The following CYP4F11 variants were observed in gnomAD, a reference collection of about 807,000 sequenced individuals.
The protein encoded by CYP4F11 is cytochrome P450 4F11.
A neutral mutation model predicts 62.2 loss-of-function variants in CYP4F11; 79 were observed. The observed-to-expected ratio is 1.27, with a 90% CI of 1.06 to 1.53. CYP4F11 has a LOEUF of 1.53. Ranked by LOEUF, CYP4F11 falls within the 40% of genes most tolerant of loss-of-function variation. CYP4F11 has a pLI of 0.00. For synonymous variants in CYP4F11, 290 were observed against 263.7 expected, an observed-to-expected ratio of 1.10 and a Z score of -0.97; for missense variants, 777 against 680.5, an observed-to-expected ratio of 1.14 and a Z score of -1.58.
At position 15,931,589 on chromosome 19, in the gene CYP4F11, GGAAT is replaced by G. The variant is rs1473119820; in HGVS notation, c.199-1992_199-1989del. 8.8e-4 allele frequency among the ~76,000 whole-genome samples: 98 copies of G among 111,476 alleles called. 4 individuals carry two copies. The highest frequency in any genetic ancestry group is 1.3e-3 in the Non-Finnish European group (68 of 53,696). The allele number at this position is 111,476 out of a possible 152,430, so 73.1% of individuals were successfully genotyped here. Reference sequence around the variant, plus strand: ...GGAGAGGAATGAGTGAGCGAGGAGAGGAATGAGTGAGTGAGGAGAGGAATGAGTG... The same window carrying G: ...GGAGAGGAATGAGTGAGCGAGGAGAGGAGTGAGTGAGGAGAGGAATGAGTG... On this transcript the variant is annotated intron_variant, in intron 1 of 11. Transcript: ENST00000402119.
At position 15,923,747 on chromosome 19, in the gene CYP4F11, C is replaced by T; in HGVS notation, c.918+65G>A. 3 of 1,555,062 alleles carry T rather than the reference C, an allele frequency of 1.9e-6. No individual in the cohort carries two copies. The South Asian group carries it at 3.7e-5, about 19-fold the overall frequency. On this transcript the variant is annotated intron_variant, in intron 6 of 11. Transcript: ENST00000402119. ...GTGCCCTTTGGATCAAGTCCAAGTT[C>T]TTTCATTTGACAGAGGCATAAATCT...
chr19:15,926,478 C>G (rs567463455), intron 4 of CYP4F11, among the ~76,000 whole-genome samples: 19 of 152,346 alleles, frequency 1.2e-4, no homozygotes, highest in Admixed American at 1.1e-3. Context: ...TCACTTCTCC[C>G]TTTGCACTGT....
intron 8 of CYP4F11, among the ~76,000 whole-genome samples, chr19:15,918,454 A>G (rs1466243277): frequency 6.6e-6 from 1 of 152,192 alleles, no homozygotes; most frequent in African/African-American, 2.4e-5. Context: ...AAAAATAATA[A>G]TAATAATGTA....
Position 15,912,797 on chromosome 19 carries a change from T to C in CYP4F11, c.*935A>G, listed in dbSNP as rs2089548202. 1 of 124,258 alleles carries C rather than the reference T, an allele frequency of 8.0e-6. No individual in the cohort carries two copies. The highest frequency in any genetic ancestry group is 8.1e-5 in the Admixed American group (1 of 12,360). The allele number at this position is 124,258 out of a possible 1,614,324, so 7.7% of individuals were successfully genotyped here. On this transcript the variant is annotated 3_prime_UTR_variant, in exon 12 of 12. Coordinates refer to ENST00000402119, the MANE Select transcript of CYP4F11 (RefSeq NM_021187.4). Reference sequence around the variant, plus strand: ...TATATATATATATATATAATATATATATATATATACATATCTTATATGCAC... The same window carrying C: ...TATATATATATATATATAATATATACATATATATACATATCTTATATGCAC...
In CYP4F11 at chr19:15,912,761, G is replaced by GTATATGTATA. The variant is rs71178627; in HGVS notation, c.*970_*971insTATACATATA. The GTATATGTATA allele has an allele frequency of 7.8e-5, 3 of 38,246 alleles. No individual in the cohort carries two copies. The highest frequency in any genetic ancestry group is 3.0e-4 in the African/African-American group (3 of 9,866). 2.4% of individuals were successfully genotyped at this position (38,246 alleles called of 1,614,324 possible). On this transcript the variant is annotated 3_prime_UTR_variant, in exon 12 of 12. Coordinates refer to ENST00000402119, the MANE Select transcript of CYP4F11 (RefSeq NM_021187.4). ...TATGTATATATGTGTGTGTGTGTGTGTGTGTGTGTGTATATATATATATAT... is the reference window on the plus strand; with the variant it reads ...TATGTATATATGTGTGTGTGTGTGTGTATATGTATATGTGTGTGTGTATATATATATATAT...
intron 5 of CYP4F11, 109 bp downstream of exon 5, chr19:15,924,652 A>T (rs2089655088): frequency 7.5e-7 from 1 of 1,333,668 alleles, no homozygotes; most frequent in Non-Finnish European, 1.0e-6. Context: ...TATGACACAC[A>T]GAAAGTGCCT....
At chr19:15,920,749 T>G (rs2365174) in intron 8 of CYP4F11, among the ~76,000 whole-genome samples, 4,373 of 151,916 alleles carry the variant, frequency 0.029, 194 homozygotes, top group African/African-American at 0.093. Flanking sequence ...GCTACCTGTC[T>G]CTTCCCATTG....
chr19:15,933,801 T>C (rs1387851308), intron 1 of CYP4F11, among the ~76,000 whole-genome samples: 3 of 33,748 alleles, frequency 8.9e-5, no homozygotes, highest in South Asian at 3.3e-3. Flanking sequence ...AATGAGTGAG[T>C]GAGGAGAAGA....
intron 4 of CYP4F11, among the ~76,000 whole-genome samples, chr19:15,925,965 C>T (rs1385318509): frequency 6.6e-6 from 1 of 151,724 alleles, no homozygotes; most frequent in Non-Finnish European, 1.5e-5. Context: ...GAGATCGAGA[C>T]AATCCTGGCT....
Position 15,913,422 on chromosome 19 carries a change from T to TA in CYP4F11, c.*309dup, listed in dbSNP as rs1378649771. On this transcript the variant is annotated 3_prime_UTR_variant, in exon 12 of 12. Coordinates refer to ENST00000402119, the MANE Select transcript of CYP4F11 (RefSeq NM_021187.4). ...GAATCAGAGTCTCAGTCTTGCTCCT[T>TA]AAACCCATTCTTAATCCTGTTCCCT... The TA allele has an allele frequency of 2.5e-6, 1 of 397,826 alleles. No homozygotes were observed. Among genetic ancestry groups the TA allele is most frequent in the African/African-American group, 2.1e-5 (1 of 48,416 alleles). The allele number at this position is 397,826 out of a possible 1,614,324, so 24.6% of individuals were successfully genotyped here.
At chr19:15,926,682 G>A (rs541118527) in intron 4 of CYP4F11, among the ~76,000 whole-genome samples, 1 of 152,304 alleles carries the variant, frequency 6.6e-6, no homozygotes, top group East Asian at 1.9e-4. Flanking sequence ...AGAAACACAT[G>A]GAGAAAAGTC....
At chr19:15,929,315 A>G (rs564361243) in intron 2 of CYP4F11, 142 bp downstream of exon 2, 3 of 1,131,260 alleles carry the variant, frequency 2.7e-6, no homozygotes, top group African/African-American at 1.6e-5. Context: ...TGAATACATG[A>G]AGGAAAGAGG....
chr19:15,916,021 A>G (rs1438619375), intron 8 of CYP4F11, among the ~76,000 whole-genome samples: 1 of 152,122 alleles, frequency 6.6e-6, no homozygotes, highest in Non-Finnish European at 1.5e-5. Flanking sequence ...AATAAAAGAT[A>G]CATTTCACCA....
rs781729305 is a variant in CYP4F11, at chr19:15,927,281, C to T, written c.456G>A (p.Thr152=). Residue 152 remains threonine, a synonymous_variant, in exon 4 of 12, where the codon ACG becomes ACA. Coordinates refer to ENST00000402119, the MANE Select transcript of CYP4F11 (RefSeq NM_021187.4). ...TCAAGATGTTGAAATGGAAGGCAGG[C>T]GTCAACATCCGACGGTGGCGGCTCC... The part of the protein sequence containing the change: ...DKWSRHRRML[T]PAFHFNILKP... 66 of 1,614,024 alleles carry T rather than the reference C, an allele frequency of 4.1e-5. No individual in the cohort carries two copies. The East Asian group carries it at 1.0e-3, about 25-fold the overall frequency.
chr19:15,914,705 T>G, intron 9 of CYP4F11, 39 bp from the exon 10 acceptor site: 5 of 1,613,958 alleles, frequency 3.1e-6, no homozygotes, highest in Non-Finnish European at 4.2e-6. Context: ...AAGGCCCCCC[T>G]GCCTGAGGGA....
At chr19:15,924,254 C>A (rs1244214928) in intron 5 of CYP4F11, among the ~76,000 whole-genome samples, 172 bp from the exon 6 acceptor site, 3 of 152,112 alleles carry the variant, frequency 2.0e-5, no homozygotes, top group Non-Finnish European at 4.4e-5. Context: ...CCTCCATGCA[C>A]CAAGGTACCC....
At chr19:15,921,473 G>T (rs1451740812) in intron 8 of CYP4F11, among the ~76,000 whole-genome samples, 1 of 152,192 alleles carries the variant, frequency 6.6e-6, no homozygotes, top group African/African-American at 2.4e-5. Context: ...CCCCCACCAG[G>T]CTGGGAGCAC....
At chr19:15,931,701 C>T (rs374133449) in intron 1 of CYP4F11, among the ~76,000 whole-genome samples, 358 of 30,238 alleles carry the variant, frequency 0.012, 22 homozygotes, top group Middle Eastern at 0.021. Context: ...AATGAGTGAG[C>T]GAGGAGAGGA....
At chr19:15,922,343 G>T (rs1238838386) in intron 7 of CYP4F11, 21 bp downstream of exon 7, 1 of 1,613,868 alleles carries the variant, frequency 6.2e-7, no homozygotes, top group East Asian at 2.2e-5. Flanking sequence ...CCCCACCGTA[G>T]TCCCACACTG....
Sources: allele counts gnomAD v4.1 joint callset (sites outside exome capture counted in the v4.1 genomes callset), GRCh38; gene constraint gnomAD v4.1.1; transcripts MANE v1.5; gene names NCBI Gene and HGNC (gene_info 2026-07-23, HGNC 2026-07-21).